Variants in SDHA observed in about 807,000 individuals in gnomAD.
SDHA encodes the protein succinate dehydrogenase complex flavoprotein subunit A.
In SDHA, 48 loss-of-function variants were observed where a neutral mutation model predicts 78.4. That is an observed-to-expected ratio of 0.61 (90% confidence interval 0.49 to 0.78). The LOEUF is 0.78. Ranked by LOEUF, SDHA falls within the 30% of genes least tolerant of loss-of-function variation. The pLI, the probability that SDHA is intolerant of heterozygous loss-of-function variation, is 0.00. For missense variants in SDHA, 680 were observed against 892.7 expected (o/e 0.76, Z 3.04); for synonymous variants, 326 against 353.9 (o/e 0.92, Z 0.88).
At chr5:242,469 T>G (rs1272392615) in intron 11 of SDHA, among the ~76,000 whole-genome samples, 1 of 152,254 alleles carries the variant, frequency 6.6e-6, no homozygotes, top group African/African-American at 2.4e-5. Flanking sequence ...AGGAATACTT[T>G]TAGTAAATCT....
intron 5 of SDHA, 21 bp from the exon 6 acceptor site, chr5:228,164 T>C (rs527605387): frequency 1.0e-5 from 12 of 1,175,100 alleles, no homozygotes; most frequent in Non-Finnish European, 1.4e-5. Flanking sequence ...CTTCTTGCCC[T>C]TTTTTTTTCC....
At chr5:253,273 C>A (rs1281135789) in intron 13 of SDHA, among the ~76,000 whole-genome samples, 2 of 152,086 alleles carry the variant, frequency 1.3e-5, no homozygotes, top group African/African-American at 4.8e-5. Context: ...ATGGGAAAAT[C>A]ATTTTTATTC....
chr5:258,730 C>T (rs1182332947), downstream of SDHA, among the ~76,000 whole-genome samples: 1 of 105,726 alleles, frequency 9.5e-6, no homozygotes. Flanking sequence ...GTGTGAGCTC[C>T]GCCTCCCGTC....
chr5:256,601 G>A lies in SDHA; in HGVS notation c.*181G>A. 1 of 648,386 alleles carries A rather than the reference G, an allele frequency of 1.5e-6. No individual in the cohort carries two copies. Among genetic ancestry groups the A allele is most frequent in the Non-Finnish European group, 2.8e-6 (1 of 354,098 alleles). The allele number at this position is 648,386 out of a possible 1,614,324, so 40.2% of individuals were successfully genotyped here. A position where few individuals can be genotyped will look rare whatever the true frequency, so the allele number is the denominator to read the frequency against. On this transcript the variant is annotated 3_prime_UTR_variant, in exon 15 of 15. Coordinates refer to ENST00000264932, the MANE Select transcript of SDHA (RefSeq NM_004168.4). ...CAGGAACCCAGTGGCCAGGGAGCGT[G>A]GCACTTACCTTTGTCCCTTGCTTCA...
intron 10 of SDHA, among the ~76,000 whole-genome samples, 162 bp from the exon 11 acceptor site, chr5:240,195 TG>T (rs753931085): frequency 6.6e-6 from 1 of 152,236 alleles, no homozygotes; most frequent in Admixed American, 6.5e-5. Flanking sequence ...ACTCAACAGA[TG>T]GCCTCAGCTG....
chr5:251,707 A>G (rs992927682), intron 13 of SDHA: 7 of 1,464,558 alleles, frequency 4.8e-6, no homozygotes, highest in East Asian at 2.9e-5. Flanking sequence ...CTCCAAGCCA[A>G]TGTGCTTTGC....
downstream of SDHA, among the ~76,000 whole-genome samples, chr5:257,581 C>CCTGT (rs1737288143): frequency 7.7e-6 from 1 of 129,720 alleles, no homozygotes; most frequent in Non-Finnish European, 1.6e-5. Flanking sequence ...AGCTCCGCCC[C>CCTGT]TGCCAGAGCA....
intron 11 of SDHA, 150 bp from the exon 12 acceptor site, chr5:250,842 A>G: frequency 2.8e-6 from 2 of 717,016 alleles, no homozygotes; most frequent in Non-Finnish European, 2.5e-6. Context: ...AGTTTGGAGT[A>G]ATAAACTCAT....
intron 7 of SDHA, among the ~76,000 whole-genome samples, chr5:232,791 A>G (rs1458687482): frequency 6.6e-6 from 1 of 152,234 alleles, no homozygotes. Flanking sequence ...CTTTGTTAAA[A>G]TTCGAGAGCT....
At chr5:242,495 C>G (rs752343464) in intron 11 of SDHA, among the ~76,000 whole-genome samples, 3 of 152,228 alleles carry the variant, frequency 2.0e-5, no homozygotes, top group African/African-American at 4.8e-5. Context: ...CTGGCTTGCT[C>G]TCAATAAATA....
chr5:262,307 CTCCGCCTCCCGT>C, the SDHA span, among the ~76,000 whole-genome samples: 1 of 78,006 alleles, frequency 1.3e-5, no homozygotes, highest in Admixed American at 1.3e-4. Context: ...ACCGTGTGAG[CTCCGCCTCCCGT>C]CAGAGCATTA....
At chr5:239,592 A>G (rs1460116999) in intron 10 of SDHA, among the ~76,000 whole-genome samples, 1 of 151,752 alleles carries the variant, frequency 6.6e-6, no homozygotes, top group East Asian at 1.9e-4. Context: ...CTTGAAGTAT[A>G]GTTGAGAGCA....
chr5:240,737 A>G (rs760369824), intron 11 of SDHA, among the ~76,000 whole-genome samples: 11 of 151,674 alleles, frequency 7.3e-5, no homozygotes, highest in Middle Eastern at 3.4e-3. Flanking sequence ...GTCCATGTGT[A>G]CTCACCATTC....
chr5:260,976 C>A (rs373956398), downstream of SDHA, among the ~76,000 whole-genome samples: 66 of 3,616 alleles, frequency 0.018, 3 homozygotes, highest in South Asian at 0.047. Context: ...GCCTCCCGTC[C>A]GAGCATTACC....
At chr5:259,406 G>A (rs1737399891), downstream of SDHA, among the ~76,000 whole-genome samples, 1 of 61,424 alleles carries the variant, frequency 1.6e-5, no homozygotes, top group Non-Finnish European at 2.9e-5. Context: ...TCCGCCTCCC[G>A]TCACAGCATT....
intron 1 of SDHA, among the ~76,000 whole-genome samples, chr5:219,795 G>A (rs970832388): frequency 1.3e-5 from 2 of 152,220 alleles, no homozygotes; most frequent in Non-Finnish European, 2.9e-5. Context: ...ATGGTGCCCG[G>A]TGTTCCTTCT....
chr5:266,617 A>G, the SDHA span, among the ~76,000 whole-genome samples: 1 of 152,252 alleles, frequency 6.6e-6, no homozygotes, highest in East Asian at 1.9e-4. Context: ...GAAAGGACAC[A>G]CCAAAGAAGT....
intron 11 of SDHA, among the ~76,000 whole-genome samples, chr5:242,963 C>G (rs188177054): frequency 2.0e-5 from 3 of 152,200 alleles, no homozygotes; most frequent in Admixed American, 1.3e-4. Flanking sequence ...CCCTACCCTT[C>G]TGCACCCCCT....
At chr5:258,035 G>T (rs112460485), downstream of SDHA, among the ~76,000 whole-genome samples, 2 of 10,892 alleles carry the variant, frequency 1.8e-4, no homozygotes, top group African/African-American at 5.9e-4. Context: ...AGCATTACTG[G>T]GTGAGCTCCA....
Sources: gnomAD v4.1 joint callset for allele counts (sites outside exome capture counted in the v4.1 genomes callset) on GRCh38, gnomAD v4.1.1 for gene constraint, MANE v1.5 for transcripts, NCBI Gene and HGNC (gene_info 2026-07-23, HGNC 2026-07-21) for gene names.